Variants in USP30 observed in about 807,000 individuals in gnomAD.
USP30 encodes ubiquitin carboxyl-terminal hydrolase 30.
A neutral mutation model predicts 68.2 loss-of-function variants in USP30; 41 were observed. The observed-to-expected ratio is 0.60, with a 90% confidence interval of 0.47 to 0.78. The LOEUF (loss-of-function observed/expected upper bound fraction) is 0.78, where lower values mean the gene tolerates loss of function less well. USP30 is among the 30% of genes least tolerant of loss of function. The pLI is 0.00. For synonymous variants in USP30, 229 were observed against 253.7 expected (o/e 0.90, Z 0.93); for missense variants, 522 against 649.4 (o/e 0.80, Z 2.13).
At chr12:109,081,617 A>ATG in intron 8 of USP30, 1 of 497,032 alleles carries the variant, frequency 2.0e-6, no homozygotes, top group Non-Finnish European at 3.5e-6. Flanking sequence ...ACACGCACGC[A>ATG]TGCGCGCACA....
intron 10 of USP30, 28 bp from the exon 11 acceptor site, chr12:109,082,815 G>A (rs1566106729): frequency 1.9e-6 from 3 of 1,610,404 alleles, no homozygotes; most frequent in Non-Finnish European, 2.5e-6. Context: ...AAACAACTCG[G>A]TTCTCCCGAT....
chr12:109,033,985 C>A (rs903538492), intron 3 of USP30, among the ~76,000 whole-genome samples: 6 of 152,146 alleles, frequency 3.9e-5, no homozygotes, highest in Admixed American at 1.3e-4. Context: ...CCTAGTAAAA[C>A]CCTAATCCCT....
chr12:109,048,078 C>CT (rs571441531), upstream of USP30, among the ~76,000 whole-genome samples: 6,663 of 134,324 alleles, frequency 0.05, 545 homozygotes, highest in African/African-American at 0.17. Context: ...AGAATGCCTA[C>CT]TTTTTTTTTT....
chr12:109,039,471 A>G (rs534763525), intron 3 of USP30, among the ~76,000 whole-genome samples: 1 of 152,284 alleles, frequency 6.6e-6, no homozygotes, highest in South Asian at 2.1e-4. Flanking sequence ...GTAAAATGGC[A>G]CTAATTATAT....
intron 3 of USP30, among the ~76,000 whole-genome samples, chr12:109,036,485 A>G (rs2040521915): frequency 6.6e-6 from 1 of 151,970 alleles, no homozygotes; most frequent in Non-Finnish European, 1.5e-5. Context: ...TTGGATAGAG[A>G]TGGGGTTTCA....
rs950951517 is a variant in USP30 at position 109,081,412 on chromosome 12, T to C, written c.780+19T>C. 1 of 1,612,538 alleles carries C rather than the reference T, an allele frequency of 6.2e-7. No homozygotes were observed. Among genetic ancestry groups the C allele is most frequent in the Non-Finnish European group, 8.5e-7 (1 of 1,179,446 alleles). ...CACATGGGTATGTACTGATTTATGG[T>C]TTATTTGGAGTCTGTTTCAGAAACA... On this transcript the variant is annotated intron_variant, in intron 8 of 12. Coordinates refer to ENST00000257548, the MANE Select transcript of USP30 (RefSeq NM_032663.5).
At chr12:109,050,186 C>T (rs866423443), upstream of USP30, among the ~76,000 whole-genome samples, 2 of 151,634 alleles carry the variant, frequency 1.3e-5, no homozygotes, top group Admixed American at 6.6e-5. Context: ...CCCAGCTACT[C>T]GGGAGGCTGA....
intron 1 of USP30, chr12:109,023,269 G>A (rs1240553963): frequency 6.6e-6 from 1 of 152,236 alleles, no homozygotes; most frequent in Admixed American, 6.5e-5. Flanking sequence ...AGCCCTCTTA[G>A]GGGTCGGGTA....
chr12:109,079,339 C>CTTTTTTTTTTTTTTTTTTTT lies in USP30; in HGVS notation c.721-1984_721-1983insTTTTTTTTTTTTTTTTTTTT, dbSNP rs750712233. Among the ~76,000 whole-genome samples, 180 of 62,282 alleles carry CTTTTTTTTTTTTTTTTTTTT rather than the reference C, an allele frequency of 2.9e-3. 3 individuals are homozygous for CTTTTTTTTTTTTTTTTTTTT. The highest frequency in any genetic ancestry group is 3.2e-3 in the African/African-American group (47 of 14,564). 40.9% of individuals were successfully genotyped at this position (62,282 alleles called of 152,430 possible). Reference sequence around the variant, plus strand: ...TTTTCTCTTTTTTTCTTTTCTTTTTCTTTTTTTTTTTCTTTTTTTTTTTTT... The same window carrying CTTTTTTTTTTTTTTTTTTTT: ...TTTTCTCTTTTTTTCTTTTCTTTTTCTTTTTTTTTTTTTTTTTTTTTTTTTTTTTTTCTTTTTTTTTTTTT... On this transcript the variant is annotated intron_variant, in intron 7 of 12. Transcript: ENST00000257548.
rs2041975512 is a variant in USP30 at position 109,087,565 on chromosome 12, C to T, written c.*1634C>T. On this transcript the variant is annotated 3_prime_UTR_variant, in exon 13 of 13. Transcript: ENST00000257548. ...TGACTTTGATGTTGAAATGAACACA[C>T]TTGTTTTACCCAAGTCTGGTGGAAC... 1 of 152,320 alleles carries T rather than the reference C, an allele frequency of 6.6e-6. No homozygotes were observed. Among genetic ancestry groups the T allele is most frequent in the Non-Finnish European group, 1.5e-5 (1 of 68,116 alleles). 9.4% of individuals were successfully genotyped at this position (152,320 alleles called of 1,614,324 possible).
At chr12:109,032,074 A>C (rs1381770284) in intron 3 of USP30, among the ~76,000 whole-genome samples, 1 of 149,176 alleles carries the variant, frequency 6.7e-6, no homozygotes, top group Non-Finnish European at 1.5e-5. Context: ...TGCCCTCCAA[A>C]CTGTGTGGCA....
chr12:109,078,577 C>A (rs574700109), intron 7 of USP30, among the ~76,000 whole-genome samples: 1 of 150,302 alleles, frequency 6.7e-6, no homozygotes, highest in Non-Finnish European at 1.5e-5. Flanking sequence ...CCAGCCTGGG[C>A]GACAAAGCGA....
At chr12:109,058,537 A>T (rs1172359955) in intron 3 of USP30, among the ~76,000 whole-genome samples, 2 of 151,066 alleles carry the variant, frequency 1.3e-5, no homozygotes, top group Non-Finnish European at 2.9e-5. Context: ...GCACCATTGC[A>T]GTCCAGCCTG....
At position 109,067,638 on chromosome 12, in the gene USP30, C is replaced by G. The variant is rs1038172219; in HGVS notation, c.480+11C>G. On this transcript the variant is annotated intron_variant, in intron 4 of 12. Coordinates refer to ENST00000257548, the MANE Select transcript of USP30 (RefSeq NM_032663.5). ...TCATTTGAAGAACAGGTGAGTACAA[C>G]ATTTGAACAGGTTTAGCTTGGAGAA... 7 of 1,611,198 alleles carry G rather than the reference C, an allele frequency of 4.3e-6. No individual in the cohort carries two copies. In the Middle Eastern group the frequency reaches 6.6e-4, roughly 152 times the overall value.
In USP30 at chr12:109,081,614, C is replaced by A. The variant is rs900516144; in HGVS notation, c.780+221C>A. ...TTTTGGCTTTTTGAATACACACGCA[C>A]GCATGCGCGCACACACACACACACA... On this transcript the variant is annotated intron_variant, in intron 8 of 12. Transcript: ENST00000257548. The A allele has an allele frequency of 3.8e-5, 22 of 575,506 alleles. No individual in the cohort carries two copies. In the African/African-American group the frequency reaches 4.2e-4, roughly 11 times the overall value. 35.6% of individuals were successfully genotyped at this position (575,506 alleles called of 1,614,324 possible). A position where few individuals can be genotyped will look rare whatever the true frequency, so the allele number is the denominator to read the frequency against.
At position 109,067,625 on chromosome 12, in the gene USP30, C is replaced by A; in HGVS notation, c.478C>A (p.Gln160Lys). Residue 160 changes from glutamine to lysine, a missense_variant and splice_region_variant, in exon 4 of 13, where the codon CAG becomes AAG. Coordinates refer to ENST00000257548, the MANE Select transcript of USP30 (RefSeq NM_032663.5). The stretch of plus-strand genomic sequence containing the variant: ...ATGGCAGATCTCATCATTTGAAGAA[C>A]AGGTGAGTACAACATTTGAACAGGT... ...YRWQISSFEEQDAHELFHVIT... is the reference protein window; with the variant it reads ...YRWQISSFEEKDAHELFHVIT... 1 of 1,613,432 alleles carries A rather than the reference C, an allele frequency of 6.2e-7. No homozygotes were observed. The highest frequency in any genetic ancestry group is 8.5e-7 in the Non-Finnish European group (1 of 1,179,448).
chr12:109,084,442 T>A (rs190030925), intron 11 of USP30, among the ~76,000 whole-genome samples: 4 of 152,342 alleles, frequency 2.6e-5, no homozygotes, highest in Admixed American at 6.5e-5. Flanking sequence ...GGAGGAGTTT[T>A]GCCTCCCAAG....
In USP30 at chr12:109,085,920, T is replaced by G. The variant is rs1456866026; in HGVS notation, c.1543T>G (p.Ser515Ala). The G allele has an allele frequency of 2.5e-6, 4 of 1,613,464 alleles. No homozygotes were observed. The highest frequency in any genetic ancestry group is 3.4e-6 in the Non-Finnish European group (4 of 1,179,556). The change falls in exon 13 of 13, where the codon TCT becomes GCT. Residue 515 changes from serine (S) to alanine (A), a missense_variant. Transcript: ENST00000257548. ...RMQHQSQECK[S>A]EE Reference sequence around the variant, plus strand: ...GCAGCACCAGAGCCAGGAGTGCAAGTCTGAAGAATGACTGTGCCCTCCTGC... The same window carrying G: ...GCAGCACCAGAGCCAGGAGTGCAAGGCTGAAGAATGACTGTGCCCTCCTGC...
chr12:109,060,433 G>T (rs964135681), intron 3 of USP30, among the ~76,000 whole-genome samples: 1 of 152,094 alleles, frequency 6.6e-6, no homozygotes, highest in Non-Finnish European at 1.5e-5. Flanking sequence ...TGTGAGCTCT[G>T]CTTGACACAG....
Sources: gnomAD v4.1 joint callset for allele counts (sites outside exome capture counted in the v4.1 genomes callset) on GRCh38, gnomAD v4.1.1 for gene constraint, MANE v1.5 for transcripts, NCBI Gene and HGNC (gene_info 2026-07-23, HGNC 2026-07-21) for gene names.